Variants in LRRC49 observed in about 807,000 individuals in gnomAD.
LRRC49 encodes the protein leucine rich repeat containing 49.
Under a neutral mutation model 83.3 loss-of-function variants are expected in LRRC49, and 50 were observed. The ratio of observed to expected loss-of-function variants is 0.60; its 90% CI spans 0.48 to 0.76. The LOEUF (loss-of-function observed/expected upper bound fraction) is 0.76. Ranked by LOEUF, LRRC49 falls within the 30% of genes least tolerant of loss-of-function variation. LRRC49 has a pLI of 0.00. For synonymous variants in LRRC49, 286 were observed against 283.3 expected (o/e 1.01, Z -0.10); for missense variants, 704 against 809.1 (o/e 0.87, Z 1.58).
chr15:70,927,248 A>AT (rs1275890415), intron 7 of LRRC49, among the ~76,000 whole-genome samples: 2 of 152,050 alleles, frequency 1.3e-5, no homozygotes, highest in Non-Finnish European at 2.9e-5. Flanking sequence ...TTTAATTTGC[A>AT]TTTTCTTTAT....
At chr15:70,895,572 T>G (rs1382861974) in intron 2 of LRRC49, 6 of 249,050 alleles carry the variant, frequency 2.4e-5, no homozygotes, top group East Asian at 1.8e-4. Flanking sequence ...GTTCCAGAAT[T>G]TTTTCATCAT....
At chr15:71,015,598 C>T (rs1361658376) in intron 14 of LRRC49, among the ~76,000 whole-genome samples, 2 of 152,190 alleles carry the variant, frequency 1.3e-5, no homozygotes, top group African/African-American at 4.8e-5. Flanking sequence ...TTTCACCATG[C>T]TATATATCGG....
chr15:70,943,226 T>C (rs2035887133), intron 8 of LRRC49, among the ~76,000 whole-genome samples: 1 of 151,920 alleles, frequency 6.6e-6, no homozygotes. Flanking sequence ...AGAACTAGAG[T>C]AGTATATTTT....
intron 9 of LRRC49, among the ~76,000 whole-genome samples, chr15:70,967,223 TGACAGGCAAG>T (rs2036824905): frequency 6.6e-6 from 1 of 152,132 alleles, no homozygotes; most frequent in Non-Finnish European, 1.5e-5. Flanking sequence ...CAACTATGTC[TGACAGGCAAG>T]GACAGGCAAG....
At chr15:70,871,841 G>A (rs1250343850) in intron 1 of LRRC49, among the ~76,000 whole-genome samples, 1 of 151,012 alleles carries the variant, frequency 6.6e-6, no homozygotes, top group African/African-American at 2.4e-5. Flanking sequence ...GACGATGGGC[G>A]GCCGGGCAGA....
At chr15:70,920,964 G>A (rs984086696) in intron 7 of LRRC49, among the ~76,000 whole-genome samples, 1 of 151,882 alleles carries the variant, frequency 6.6e-6, no homozygotes, top group Non-Finnish European at 1.5e-5. Context: ...TTTTTCTCCA[G>A]TATCAGTTAC....
chr15:71,049,069 A>G (rs2039943220), intron 15 of LRRC49, among the ~76,000 whole-genome samples: 2 of 152,324 alleles, frequency 1.3e-5, no homozygotes, highest in South Asian at 4.1e-4. Flanking sequence ...GGAATCTGTG[A>G]GTCTGCATTC....
intron 9 of LRRC49, among the ~76,000 whole-genome samples, chr15:70,979,876 C>T (rs2037338506): frequency 6.6e-6 from 1 of 152,046 alleles, no homozygotes. Context: ...GCTAGGTTCA[C>T]GTCACCTCCA....
intron 1 of LRRC49, among the ~76,000 whole-genome samples, chr15:70,870,946 T>G (rs2033013826): frequency 1.4e-4 from 1 of 7,310 alleles, no homozygotes; most frequent in African/African-American, 2.3e-4. Context: ...CCATGCTTAG[T>G]TTTTTTTTTT....
At position 70,859,012 on chromosome 15, in the gene LRRC49, CAA is replaced by C. The variant is rs150281447; in HGVS notation, c.-299+5544_-299+5545del. On this transcript the variant is annotated intron_variant, in intron 1 of 16. Transcript: ENST00000544974. Reference sequence around the variant, plus strand: ...AGGAGCAGATCAAGGCCCTCAACAACAAGTTTGCCTCCTTCATAGACAAGGTA... The same window carrying C: ...AGGAGCAGATCAAGGCCCTCAACAACGTTTGCCTCCTTCATAGACAAGGTA... 4,648 of 1,057,772 alleles carry C rather than the reference CAA, an allele frequency of 4.4e-3. 129 individuals carry two copies. The African/African-American group carries it at 0.064, about 15-fold the overall frequency. 65.5% of individuals were successfully genotyped at this position (1,057,772 alleles called of 1,614,324 possible).
intron 14 of LRRC49, among the ~76,000 whole-genome samples, chr15:71,020,781 A>G (rs1463196246): frequency 6.6e-6 from 1 of 152,226 alleles, no homozygotes; most frequent in East Asian, 1.9e-4. Context: ...AACAAAATCT[A>G]AGAGAATTCC....
At chr15:70,859,125 A>G in intron 1 of LRRC49, 2 of 1,365,666 alleles carry the variant, frequency 1.5e-6, no homozygotes, top group Non-Finnish European at 1.0e-6. Flanking sequence ...AACAAGAACA[A>G]CATGTTCCAG....
In LRRC49 at chr15:70,872,276, T is replaced by C. The variant is rs1269717356; in HGVS notation, c.-298-632T>C. On this transcript the variant is annotated intron_variant, in intron 1 of 16. Transcript: ENST00000544974. ...CAGGCGTGGCAGCACGCGCCTGCAA[T>C]CCCAGGCACTGGGCAGGCTGAGGCA... Among the ~76,000 whole-genome samples the C allele has an allele frequency of 4.6e-5, 7 of 152,086 alleles. No homozygotes were observed. In the East Asian group the frequency reaches 1.4e-3, roughly 29 times the overall value.
intron 8 of LRRC49, among the ~76,000 whole-genome samples, chr15:70,962,585 A>T (rs2036641509): frequency 6.6e-6 from 1 of 152,104 alleles, no homozygotes; most frequent in South Asian, 2.1e-4. Context: ...AAAATCTTAT[A>T]GTGCCAGAAA....
In LRRC49 at chr15:71,036,291, A is replaced by G. The variant is rs141770602; in HGVS notation, c.1704-888A>G. Among the ~76,000 whole-genome samples the G allele has an allele frequency of 2.9e-3, 447 of 151,924 alleles. 5 individuals are homozygous for G. The highest frequency in any genetic ancestry group is 0.011 in the African/African-American group (436 of 41,484). On this transcript the variant is annotated intron_variant, in intron 14 of 15. Coordinates refer to ENST00000260382, the MANE Select transcript of LRRC49 (RefSeq NM_017691.5). ...AAAATGTTCTCCCATTCTGTAGGTC[A>G]CCTTTTCAAATATGAACATTATTAA...
At chr15:71,034,096 G>A (rs2039444188) in intron 14 of LRRC49, among the ~76,000 whole-genome samples, 1 of 152,008 alleles carries the variant, frequency 6.6e-6, no homozygotes, top group African/African-American at 2.4e-5. Flanking sequence ...GAGCAAACAA[G>A]GCAACCTACA....
chr15:70,883,011 T>G, intron 2 of LRRC49: 1 of 1,182,574 alleles, frequency 8.5e-7, no homozygotes, highest in Admixed American at 2.3e-5. Context: ...AAATTTTCAG[T>G]CACATATTAG....
chr15:70,933,115 A>AT (rs1445242105), intron 7 of LRRC49, among the ~76,000 whole-genome samples: 1 of 152,068 alleles, frequency 6.6e-6, no homozygotes, highest in Non-Finnish European at 1.5e-5. Context: ...ACAAATCAGT[A>AT]TTTTTTTGGA....
chr15:71,030,415 G>A (rs1230986653), intron 14 of LRRC49, among the ~76,000 whole-genome samples: 1 of 152,178 alleles, frequency 6.6e-6, no homozygotes, highest in Non-Finnish European at 1.5e-5. Flanking sequence ...CCCTTTGTGG[G>A]TAACCTGAGC....
Sources: gnomAD v4.1 joint callset for allele counts (sites outside exome capture counted in the v4.1 genomes callset) on GRCh38, gnomAD v4.1.1 for gene constraint, MANE v1.5 for transcripts, NCBI Gene and HGNC (gene_info 2026-07-23, HGNC 2026-07-21) for gene names.